Variants in PBX3 observed in about 807,000 individuals in gnomAD.
PBX3 encodes PBX homeobox 3.
PBX3 carries 14 observed loss-of-function variants against 48.5 expected under a neutral mutation model. The observed-to-expected ratio is 0.29, with a 90% CI of 0.19 to 0.45. The LOEUF is 0.45. Ranked by LOEUF, PBX3 falls within the 20% of genes least tolerant of loss-of-function variation. The pLI is 1.00. For synonymous variants in PBX3, 210 were observed against 200.3 expected (o/e 1.05, Z -0.41); for missense variants, 386 against 546.7 (o/e 0.71, Z 2.93).
chr9:125,927,030 T>G (rs1841593524), intron 3 of PBX3, among the ~76,000 whole-genome samples: 1 of 152,218 alleles, frequency 6.6e-6, no homozygotes, highest in African/African-American at 2.4e-5. Flanking sequence ...GCTTCACAGA[T>G]TCTCTCATCA....
At chr9:125,858,593 G>A (rs1839781915) in intron 2 of PBX3, among the ~76,000 whole-genome samples, 2 of 151,020 alleles carry the variant, frequency 1.3e-5, no homozygotes, top group African/African-American at 2.4e-5. Flanking sequence ...TTCACTTTTG[G>A]GGACCCTACT....
chr9:125,780,423 C>A (rs1588139070), intron 2 of PBX3, among the ~76,000 whole-genome samples: 1 of 134,732 alleles, frequency 7.4e-6, no homozygotes, highest in African/African-American at 2.9e-5. Context: ...CTGACCCCCC[C>A]CCCACCTCCC....
At chr9:125,957,646 G>A (rs938628711) in intron 5 of PBX3, among the ~76,000 whole-genome samples, 8 of 152,014 alleles carry the variant, frequency 5.3e-5, no homozygotes, top group Non-Finnish European at 1.2e-4. Context: ...TTTCATTAAT[G>A]TATTATAGCT....
intron 2 of PBX3, among the ~76,000 whole-genome samples, chr9:125,822,417 C>G (rs1407140596): frequency 6.6e-6 from 1 of 152,146 alleles, no homozygotes; most frequent in Non-Finnish European, 1.5e-5. Flanking sequence ...AAGATCTTTA[C>G]TGATGACTGA....
intron 2 of PBX3, among the ~76,000 whole-genome samples, chr9:125,858,817 G>A (rs1446306001): frequency 6.6e-6 from 1 of 151,904 alleles, no homozygotes. Context: ...GTAGAGACAG[G>A]GTTTCACCAC....
At chr9:125,930,354 A>G (rs994784568) in intron 4 of PBX3, among the ~76,000 whole-genome samples, 1 of 152,152 alleles carries the variant, frequency 6.6e-6, no homozygotes, top group Admixed American at 6.5e-5. Flanking sequence ...AAGGATGAAA[A>G]TTTCCCTTTA....
chr9:125,904,496 C>G (rs1841024043), intron 2 of PBX3, among the ~76,000 whole-genome samples: 1 of 151,848 alleles, frequency 6.6e-6, no homozygotes, highest in African/African-American at 2.4e-5. Flanking sequence ...AGCTGCCTTC[C>G]ACTTCATGCT....
intron 3 of PBX3, among the ~76,000 whole-genome samples, chr9:125,923,518 T>C (rs1841500145): frequency 6.6e-6 from 1 of 152,136 alleles, no homozygotes; most frequent in African/African-American, 2.4e-5. Context: ...TCTATAAATA[T>C]TTATTATAAT....
chr9:125,930,504 C>T (rs1291792514), intron 4 of PBX3, among the ~76,000 whole-genome samples: 1 of 152,156 alleles, frequency 6.6e-6, no homozygotes, highest in South Asian at 2.1e-4. Context: ...GGATGCCTCT[C>T]GGGGCATTGC....
intron 2 of PBX3, among the ~76,000 whole-genome samples, chr9:125,801,205 T>C (rs1406807041): frequency 6.6e-6 from 1 of 152,228 alleles, no homozygotes; most frequent in Non-Finnish European, 1.5e-5. Flanking sequence ...ATATGAACAA[T>C]GAAATACCTT....
Position 125,917,684 on chromosome 9 carries a change from G to A in PBX3, c.516+1757G>A, listed in dbSNP as rs527553948. ...CCTTTTCTAATATTCTGGATACAAT[G>A]GTATTAAGCAAATGCTGAATCCTAT... On this transcript the variant is annotated intron_variant, in intron 3 of 8. Coordinates refer to ENST00000373489, the MANE Select transcript of PBX3 (RefSeq NM_006195.6). Among the ~76,000 whole-genome samples, 32 of 152,164 alleles carry A rather than the reference G, an allele frequency of 2.1e-4. No individual in the cohort carries two copies. The South Asian group carries it at 6.2e-3, about 30-fold the overall frequency.
At chr9:125,873,784 A>T (rs941180814) in intron 2 of PBX3, among the ~76,000 whole-genome samples, 3 of 152,182 alleles carry the variant, frequency 2.0e-5, no homozygotes, top group Non-Finnish European at 4.4e-5. Flanking sequence ...AACCTAAAAG[A>T]ACAGCTAGAT....
chr9:125,870,265 C>T (rs1366857557), intron 2 of PBX3, among the ~76,000 whole-genome samples: 1 of 152,056 alleles, frequency 6.6e-6, no homozygotes, highest in African/African-American at 2.4e-5. Context: ...GATGGGGTTT[C>T]ACCATGTTGG....
intron 2 of PBX3, among the ~76,000 whole-genome samples, chr9:125,813,876 G>A (rs931106920): frequency 6.7e-5 from 10 of 150,374 alleles, no homozygotes; most frequent in Admixed American, 1.3e-4. Context: ...ACATAAACAC[G>A]TATGTCGGCC....
intron 2 of PBX3, among the ~76,000 whole-genome samples, chr9:125,915,350 C>T (rs1320828618): frequency 1.3e-5 from 2 of 152,272 alleles, no homozygotes; most frequent in East Asian, 1.9e-4. Flanking sequence ...TTTTTACCCT[C>T]TTCCCATTTT....
At position 125,876,788 on chromosome 9, in the gene PBX3, GTCTT is replaced by G. The variant is rs1399264220; in HGVS notation, c.275-38884_275-38881del. 6.8e-3 allele frequency among the ~76,000 whole-genome samples: 1,015 copies of G among 149,138 alleles called. 5 individuals carry two copies. Among genetic ancestry groups the G allele is most frequent in the African/African-American group, 0.024 (965 of 40,566 alleles). On this transcript the variant is annotated intron_variant, in intron 2 of 8. Transcript: ENST00000373489. ...GTTATCTTACTTTTTATATGTGTATGTCTTTCTTTCTTTCTTTTTTTTTTTTTTT... is the reference window on the plus strand; with the variant it reads ...GTTATCTTACTTTTTATATGTGTATGTCTTTCTTTCTTTTTTTTTTTTTTT...
chr9:125,947,414 A>G lies in PBX3; in HGVS notation c.843+11807A>G, dbSNP rs141176843. ...AAGACTCTTACGTTTTCCGGGAAAGATGGCAAAAGTACCAATTAGTGAAAA... is the reference window on the plus strand; with the variant it reads ...AAGACTCTTACGTTTTCCGGGAAAGGTGGCAAAAGTACCAATTAGTGAAAA... On this transcript the variant is annotated intron_variant, in intron 5 of 8. Coordinates refer to ENST00000373489, the MANE Select transcript of PBX3 (RefSeq NM_006195.6). 7.8e-3 allele frequency among the ~76,000 whole-genome samples: 1,190 copies of G among 152,292 alleles called. 12 individuals are homozygous for G. The highest frequency in any genetic ancestry group is 0.027 in the African/African-American group (1,134 of 41,562).
At chr9:125,889,758 G>A (rs1321843790) in intron 2 of PBX3, among the ~76,000 whole-genome samples, 12 of 150,530 alleles carry the variant, frequency 8.0e-5, no homozygotes, top group Admixed American at 7.9e-4. Context: ...GCGCCGCGGC[G>A]GGGAGCGGGG....
chr9:125,913,834 T>G (rs1841261990), intron 2 of PBX3, among the ~76,000 whole-genome samples: 1 of 151,932 alleles, frequency 6.6e-6, no homozygotes, highest in African/African-American at 2.4e-5. Flanking sequence ...CACAAAACTG[T>G]GGGCAAAAAT....
Sources: allele counts gnomAD v4.1 joint callset (sites outside exome capture counted in the v4.1 genomes callset), GRCh38; gene constraint gnomAD v4.1.1; transcripts MANE v1.5; gene names NCBI Gene and HGNC (gene_info 2026-07-23, HGNC 2026-07-21).